ARAP1: variants seen among roughly 807,000 people sequenced by gnomAD.
The protein encoded by ARAP1 is ArfGAP with RhoGAP domain, ankyrin repeat and PH domain 1.
In ARAP1, 76 loss-of-function variants were observed where a neutral mutation model predicts 172.2. The ratio of observed to expected loss-of-function variants is 0.44; its 90% CI spans 0.37 to 0.53. ARAP1 has a LOEUF of 0.53. ARAP1 is among the 20% of genes least tolerant of loss of function. The probability of loss-of-function intolerance (pLI) is 0.00; values close to 1 mark genes in which losing one functional copy is unlikely to be tolerated. For synonymous variants in ARAP1, 804 were observed against 803.3 expected, an observed-to-expected ratio of 1.00 and a Z score of -0.01; for missense variants, 1,686 against 1,977.5, an observed-to-expected ratio of 0.85 and a Z score of 2.80.
At chr11:72,690,852 G>A (rs1426606586) in intron 30 of ARAP1, among the ~76,000 whole-genome samples, 2 of 152,222 alleles carry the variant, frequency 1.3e-5, no homozygotes, top group Non-Finnish European at 2.9e-5. Context: ...AGACCCCCAG[G>A]ATAAGGCACA....
chr11:72,697,547 C>T (rs1856267951), intron 20 of ARAP1, 51 bp downstream of exon 20: 1 of 1,613,246 alleles, frequency 6.2e-7, no homozygotes, highest in Admixed American at 1.7e-5. Context: ...TCCCCAGGCC[C>T]ATCAGACTGC....
intron 1 of ARAP1, among the ~76,000 whole-genome samples, chr11:72,744,744 C>A (rs1858303290): frequency 6.6e-6 from 1 of 152,186 alleles, no homozygotes; most frequent in Non-Finnish European, 1.5e-5. Context: ...CCCCGTCCCC[C>A]ACATATCTCC....
At chr11:72,733,044 G>A (rs1298006034) in intron 1 of ARAP1, among the ~76,000 whole-genome samples, 1 of 152,174 alleles carries the variant, frequency 6.6e-6, no homozygotes. Flanking sequence ...AGAGAAGGAA[G>A]AGGGAAGAGG....
chr11:72,719,996 C>T (rs569848177), intron 3 of ARAP1, among the ~76,000 whole-genome samples: 1 of 152,322 alleles, frequency 6.6e-6, no homozygotes, highest in African/African-American at 2.4e-5. Flanking sequence ...GGGCTCCCCA[C>T]AATTCTGATC....
In ARAP1 at chr11:72,699,073, C is replaced by A; in HGVS notation, c.2473G>T (p.Glu825Ter). Residue 825 changes from glutamate to a stop codon, truncating the protein, a stop_gained, in exon 18 of 35, where the codon GAA becomes TAA. Coordinates refer to ENST00000393609, the MANE Select transcript of ARAP1 (RefSeq NM_001040118.3). LOFTEE classifies it high-confidence loss of function. This position sits in a 1 kb window ranked among gnomAD's most constrained non-coding sequence, Gnocchi z 4.2. ...EHTFEVYTEGERLYLFGLESA... is the reference protein window; with the variant it reads ...EHTFEVYTEG ...TCCAGCCCAAACAGGTACAGCCGTT[C>A]TCCCTCCGTGTACACCTCAAAGGTG... is the stretch of plus-strand genomic sequence containing the variant. 6.2e-7 allele frequency: 1 copy of A among 1,614,204 alleles called. No individual in the cohort carries two copies. The highest frequency in any genetic ancestry group is 8.5e-7 in the Non-Finnish European group (1 of 1,180,034).
At chr11:72,686,430 C>A (rs1039085085) in intron 33 of ARAP1, among the ~76,000 whole-genome samples, 5 of 152,146 alleles carry the variant, frequency 3.3e-5, no homozygotes, top group African/African-American at 1.2e-4. Context: ...CCTCCAAGAA[C>A]CAAGAAAACA....
rs1038214032 is a variant in ARAP1 at position 72,704,471 on chromosome 11, G to A, written c.1810-137C>T. On this transcript the variant is annotated intron_variant, in intron 13 of 34. Coordinates refer to ENST00000393609, the MANE Select transcript of ARAP1 (RefSeq NM_001040118.3). ...TGCCCACTTTCCCAATGGGGAAGGT[G>A]AGGACAGCCTGGCCTGCTGGTGGCT... The A allele has an allele frequency of 7.1e-6, 7 of 992,690 alleles. No homozygotes were observed. The Admixed American group carries it at 1.2e-4, about 17-fold the overall frequency. The allele number at this position is 992,690 out of a possible 1,614,324, so 61.5% of individuals were successfully genotyped here. A position where few individuals can be genotyped will look rare whatever the true frequency, so the allele number is the denominator to read the frequency against.
At position 72,703,540 on chromosome 11, in the gene ARAP1, C is replaced by T. The variant is rs78057584; in HGVS notation, c.1993-461G>A. On this transcript the variant is annotated intron_variant, in intron 14 of 34. Transcript: ENST00000393609. The stretch of plus-strand genomic sequence containing the variant: ...AGACTGGGTTGGGCTGGGAGCAGGA[C>T]GCCTGGGTCCCTGGGAGGTGGAGGC... The T allele has an allele frequency of 6.3e-3, 1,024 of 162,740 alleles. 15 individuals are homozygous for T. Among genetic ancestry groups the T allele is most frequent in the African/African-American group, 0.024 (983 of 41,700 alleles). The allele number at this position is 162,740 out of a possible 1,614,324, so 10.1% of individuals were successfully genotyped here.
At chr11:72,727,302 T>A (rs956756719) in intron 2 of ARAP1, 130 bp from the exon 3 acceptor site, 6 of 813,444 alleles carry the variant, frequency 7.4e-6, no homozygotes, top group South Asian at 1.9e-5. Context: ...CTGTGCTCCA[T>A]GTGCTAAGCA....
At chr11:72,727,528 C>T (rs573838264) in intron 2 of ARAP1, among the ~76,000 whole-genome samples, 1 of 152,306 alleles carries the variant, frequency 6.6e-6, no homozygotes, top group South Asian at 2.1e-4. Flanking sequence ...GTGTCTTATA[C>T]CTCCTCCCCA....
chr11:72,722,150 A>C, intron 3 of ARAP1: 1 of 976,616 alleles, frequency 1.0e-6, no homozygotes, highest in African/African-American at 1.8e-5. Flanking sequence ...GGAGGAAAGG[A>C]CAGAGAGAGA....
Position 72,693,070 on chromosome 11 carries a change from G to T in ARAP1, c.3954+255C>A. ...GATGCAGTGATAAGGCACAGGCACA[G>T]TGAGACAGAGCATGGGCATGGAGTG... On this transcript the variant is annotated intron_variant, in intron 29 of 34. Transcript: ENST00000393609. The surrounding 1 kb of genome is among the most constrained non-coding windows in gnomAD (Gnocchi z 4.6). The T allele has an allele frequency of 1.5e-6, 1 of 649,988 alleles. No homozygotes were observed. Among genetic ancestry groups the T allele is most frequent in the Non-Finnish European group, 2.7e-6 (1 of 376,800 alleles). 40.3% of individuals were successfully genotyped at this position (649,988 alleles called of 1,614,324 possible).
At chr11:72,705,960 T>A in intron 12 of ARAP1, 70 bp from the exon 13 acceptor site, 1 of 1,516,182 alleles carries the variant, frequency 6.6e-7, no homozygotes, top group South Asian at 1.1e-5. Flanking sequence ...CCACCCCCAG[T>A]GTCTACTGGG....
In ARAP1 at chr11:72,693,286, G is replaced by T; in HGVS notation, c.3954+39C>A. 2 of 1,605,586 alleles carry T rather than the reference G, an allele frequency of 1.2e-6. No individual in the cohort carries two copies. Among genetic ancestry groups the T allele is most frequent in the Non-Finnish European group, 8.5e-7 (1 of 1,174,798 alleles). ...ATCTCTGAGCACATTCAGGTGTACA[G>T]GTGCCCACCCTGGGGCAGAACCCAG... On this transcript the variant is annotated intron_variant, in intron 29 of 34. Transcript: ENST00000393609. The surrounding 1 kb of genome is among the most constrained non-coding windows in gnomAD (Gnocchi z 4.6).
rs371027963 is a variant in ARAP1, at chr11:72,748,709, T to C, written c.-128+3619A>G. On this transcript the variant is annotated intron_variant, in intron 1 of 34. Coordinates refer to ENST00000393609, the MANE Select transcript of ARAP1 (RefSeq NM_001040118.3). ...GGAAGACCATGTGGAACACAATCCA[T>C]GCATTGCCCCCCACCATCTTTCACA... Among the ~76,000 whole-genome samples the C allele has an allele frequency of 1.7e-4, 26 of 152,290 alleles. No homozygotes were observed. In the South Asian group the frequency reaches 2.9e-3, roughly 17 times the overall value.
chr11:72,716,129 C>T (rs548582814), intron 3 of ARAP1, among the ~76,000 whole-genome samples: 34 of 146,054 alleles, frequency 2.3e-4, no homozygotes, highest in Middle Eastern at 3.4e-3. Context: ...GCCGAGATCG[C>T]GCCACTGCAC....
At position 72,693,472 on chromosome 11, in the gene ARAP1, T is replaced by TG. The variant is rs1311598079; in HGVS notation, c.3809-3dup. The TG allele has an allele frequency of 6.2e-7, 1 of 1,612,160 alleles. No homozygotes were observed. Among genetic ancestry groups the TG allele is most frequent in the Non-Finnish European group, 8.5e-7 (1 of 1,178,794 alleles). On this transcript the variant is annotated splice_region_variant and splice_polypyrimidine_tract_variant and intron_variant, in intron 28 of 34. Coordinates refer to ENST00000393609, the MANE Select transcript of ARAP1 (RefSeq NM_001040118.3). This position sits in a 1 kb window ranked among gnomAD's most constrained non-coding sequence, Gnocchi z 4.6. ...GCTTGGTGTCACCGACACGGCTGGC[T>TG]GGGGGGTGGGACTGGAGTGGGCACA... is the stretch of plus-strand genomic sequence containing the variant.
In ARAP1 at chr11:72,725,887, T is replaced by A. The variant is rs1228880961; in HGVS notation, c.509+733A>T. On this transcript the variant is annotated intron_variant, in intron 3 of 34. Transcript: ENST00000393609. This position sits in a 1 kb window ranked among gnomAD's most constrained non-coding sequence, Gnocchi z 4.3. ...CACTTCGCCCAAGTGCTCCACCAAATCTCCCTCACCCCAAACACATATCTA... is the reference window on the plus strand; with the variant it reads ...CACTTCGCCCAAGTGCTCCACCAAAACTCCCTCACCCCAAACACATATCTA... 6.6e-6 allele frequency among the ~76,000 whole-genome samples: 1 copy of A among 151,660 alleles called. No individual in the cohort carries two copies. The highest frequency in any genetic ancestry group is 6.6e-5 in the Admixed American group (1 of 15,226).
chr11:72,705,960 T>C, intron 12 of ARAP1, 70 bp from the exon 13 acceptor site: 1 of 1,516,182 alleles, frequency 6.6e-7, no homozygotes, highest in Middle Eastern at 1.7e-4. Flanking sequence ...CCACCCCCAG[T>C]GTCTACTGGG....
Sources: allele counts gnomAD v4.1 joint callset (sites outside exome capture counted in the v4.1 genomes callset), GRCh38; gene constraint gnomAD v4.1.1; non-coding constraint Gnocchi (gnomAD v3.1); transcripts MANE v1.5; gene names NCBI Gene and HGNC (gene_info 2026-07-23, HGNC 2026-07-21).